DNAH11: variants seen among roughly 807,000 people sequenced by gnomAD.
DNAH11 encodes the protein dynein axonemal heavy chain 11, also known as axonemal beta dynein heavy chain 11.
Under a neutral mutation model 526.0 loss-of-function variants are expected in DNAH11, and 442 were observed. The ratio of observed to expected loss-of-function variants is 0.84; its 90% CI spans 0.78 to 0.91. The LOEUF is 0.91. Among genes scored for constraint, DNAH11 ranks in the 40% least tolerant of loss-of-function variants. The pLI, the probability that DNAH11 is intolerant of heterozygous loss-of-function variation, is 0.00. For synonymous variants in DNAH11, 2,461 were observed against 1,935.9 expected (o/e 1.27, Z -7.12); for missense variants, 6,989 against 5,448.7 (o/e 1.28, Z -8.90).
chr7:21,743,441 A>T (rs1211165053), intron 49 of DNAH11, among the ~76,000 whole-genome samples: 1 of 152,202 alleles, frequency 6.6e-6, no homozygotes, highest in Admixed American at 6.5e-5. Context: ...TTATTTTTTT[A>T]AATCCGACTA....
chr7:21,887,154 G>T (rs1399799427), intron 76 of DNAH11, among the ~76,000 whole-genome samples: 2 of 152,182 alleles, frequency 1.3e-5, no homozygotes, highest in Admixed American at 6.5e-5. Flanking sequence ...CCCATTCATG[G>T]TGTGGGGTTT....
In DNAH11 at chr7:21,667,126, G is replaced by A. The variant is rs138134985; in HGVS notation, c.5328+8095G>A. Among the ~76,000 whole-genome samples the A allele has an allele frequency of 2.6e-5, 4 of 152,220 alleles. No homozygotes were observed. In the East Asian group the frequency reaches 7.7e-4, roughly 29 times the overall value. ...ATAAAAAATGTGGAGTTTATGGTTAGTGATAAGGATTAAATCTAGAAGAAA... is the reference window on the plus strand; with the variant it reads ...ATAAAAAATGTGGAGTTTATGGTTAATGATAAGGATTAAATCTAGAAGAAA... On this transcript the variant is annotated intron_variant, in intron 30 of 81. Transcript: ENST00000409508.
intron 23 of DNAH11, 65 bp from the exon 24 acceptor site, chr7:21,619,035 C>T (rs1785913215): frequency 1.2e-6 from 2 of 1,601,380 alleles, no homozygotes; most frequent in Admixed American, 1.7e-5. Flanking sequence ...TTTCACCAGC[C>T]TTTAGGCAAA....
chr7:21,856,377 C>G (rs1782850172), intron 68 of DNAH11, among the ~76,000 whole-genome samples: 1 of 152,080 alleles, frequency 6.6e-6, no homozygotes, highest in Non-Finnish European at 1.5e-5. Flanking sequence ...TAGCAGGTTT[C>G]CTAACAGTAC....
Position 21,724,905 on chromosome 7 carries a change from T to C in DNAH11, c.7267-906T>C, listed in dbSNP as rs79100002. ...TCTCTGGGCCAGATTATCCTATGGA[T>C]ATAGGAGTCACTGGGCCAGATCATC... On this transcript the variant is annotated intron_variant, in intron 44 of 81. Coordinates refer to ENST00000409508, the MANE Select transcript of DNAH11 (RefSeq NM_001277115.2). Among the ~76,000 whole-genome samples the C allele has an allele frequency of 8.4e-5, 11 of 130,894 alleles. No individual in the cohort carries two copies. The East Asian group carries it at 1.1e-3, about 13-fold the overall frequency. The allele number at this position is 130,894 out of a possible 152,430, so 85.9% of individuals were successfully genotyped here. A position where few individuals can be genotyped will look rare whatever the true frequency, so the allele number is the denominator to read the frequency against.
Position 21,559,676 on chromosome 7 carries a change from G to T in DNAH11, c.766G>T (p.Glu256Ter). Residue 256 changes from glutamate (E) to a stop codon, truncating the protein, a stop_gained, in exon 4 of 82, where the codon GAA (glutamate) becomes TAA (stop). Coordinates refer to ENST00000409508, the MANE Select transcript of DNAH11 (RefSeq NM_001277115.2). LOFTEE classifies it high-confidence loss of function. ...TATTGAATGGTCACATCAAATCCAA[G>T]AAATTATAGAAAGAGATTCAGTGCA... ...VVIEWSHQIQ[E>*]IIERDSVQRL... 1 of 1,611,696 alleles carries T rather than the reference G, an allele frequency of 6.2e-7. No individual in the cohort carries two copies. Among genetic ancestry groups the T allele is most frequent in the Non-Finnish European group, 8.5e-7 (1 of 1,178,948 alleles).
At chr7:21,753,669 CTCTTT>C (rs557844894) in intron 54 of DNAH11, among the ~76,000 whole-genome samples, 48 of 152,250 alleles carry the variant, frequency 3.2e-4, no homozygotes, top group Non-Finnish European at 5.0e-4. Context: ...ATTCTCTGTT[CTCTTT>C]TCTTGTTAAC....
chr7:21,894,745 G>A lies in DNAH11; in HGVS notation c.12873G>A (p.Arg4291=), dbSNP rs998605207. ...TTGTTTGCTTCCAAGAATGTGAGAGGATGAATATTCTCATTCGGGAAATAC... is the reference window on the plus strand; with the variant it reads ...TTGTTTGCTTCCAAGAATGTGAGAGAATGAATATTCTCATTCGGGAAATAC... The part of the protein sequence containing the change: ...YVLVCFQECE[R]MNILIREIRI... The change falls in exon 78 of 82, where the codon AGG becomes AGA. Residue 4291 remains arginine, a synonymous_variant. Coordinates refer to ENST00000409508, the MANE Select transcript of DNAH11 (RefSeq NM_001277115.2). 1.2e-6 allele frequency: 2 copies of A among 1,612,678 alleles called. No homozygotes were observed. Among genetic ancestry groups the A allele is most frequent in the African/African-American group, 1.3e-5 (1 of 74,796 alleles).
At chr7:21,572,547 C>T (rs954066264) in intron 8 of DNAH11, among the ~76,000 whole-genome samples, 1 of 152,180 alleles carries the variant, frequency 6.6e-6, no homozygotes, top group African/African-American at 2.4e-5. Flanking sequence ...CCCTGCAGTT[C>T]TAGGATAAAA....
At chr7:21,622,308 T>G (rs373477364) in intron 25 of DNAH11, among the ~76,000 whole-genome samples, 4 of 152,078 alleles carry the variant, frequency 2.6e-5, no homozygotes, top group Admixed American at 6.5e-5. Context: ...CACTGCTCAA[T>G]GAAATAAAAG....
chr7:21,665,702 A>T (rs970604), intron 30 of DNAH11, among the ~76,000 whole-genome samples: 1 of 151,922 alleles, frequency 6.6e-6, no homozygotes, highest in African/African-American at 2.4e-5. Context: ...TGGATGAGAA[A>T]TAGAGAAAAG....
intron 6 of DNAH11, among the ~76,000 whole-genome samples, chr7:21,567,968 T>C (rs770470535): frequency 6.6e-6 from 1 of 152,160 alleles, no homozygotes; most frequent in Non-Finnish European, 1.5e-5. Flanking sequence ...ATTCCATGGC[T>C]TGGTGTATCT....
At chr7:21,847,274 T>C (rs1782454860) in intron 66 of DNAH11, among the ~76,000 whole-genome samples, 1 of 152,344 alleles carries the variant, frequency 6.6e-6, no homozygotes, top group Non-Finnish European at 1.5e-5. Context: ...AAAGCTTAGA[T>C]AAATACCTTT....
intron 30 of DNAH11, 77 bp from the exon 31 acceptor site, chr7:21,681,469 C>A: frequency 1.4e-6 from 2 of 1,447,596 alleles, no homozygotes; most frequent in South Asian, 1.3e-5. Context: ...TCAGCCTTTA[C>A]AAATACGAAG....
At chr7:21,810,144 G>A (rs1192976179) in intron 63 of DNAH11, among the ~76,000 whole-genome samples, 1 of 152,144 alleles carries the variant, frequency 6.6e-6, no homozygotes, top group Non-Finnish European at 1.5e-5. Context: ...GTATAAAGTA[G>A]CTTACCCTAA....
Position 21,738,624 on chromosome 7 carries a change from T to C in DNAH11, c.7646-77T>C, listed in dbSNP as rs1007092043. 1.7e-5 allele frequency: 24 copies of C among 1,423,176 alleles called. No individual in the cohort carries two copies. The African/African-American group carries it at 2.5e-4, about 15-fold the overall frequency. 88.2% of individuals were successfully genotyped at this position (1,423,176 alleles called of 1,614,324 possible). On this transcript the variant is annotated intron_variant, in intron 46 of 81. Coordinates refer to ENST00000409508, the MANE Select transcript of DNAH11 (RefSeq NM_001277115.2). ...GGGTGGATGAAATCGACAGAAGAAG[T>C]TAAGAACAAGAGAAAAATGACTAAA...
intron 12 of DNAH11, 53 bp downstream of exon 12, chr7:21,589,456 C>G: frequency 7.1e-7 from 1 of 1,401,640 alleles, no homozygotes; most frequent in Non-Finnish European, 9.8e-7. Context: ...TATTATAAGC[C>G]TATTTCTGAT....
chr7:21,721,689 T>A (rs752669290), intron 44 of DNAH11, among the ~76,000 whole-genome samples: 2 of 152,124 alleles, frequency 1.3e-5, no homozygotes, highest in Non-Finnish European at 2.9e-5. Context: ...ATCATCTAAA[T>A]CTAATTATGT....
intron 42 of DNAH11, 82 bp from the exon 43 acceptor site, chr7:21,717,693 C>A: frequency 6.5e-7 from 1 of 1,545,408 alleles, no homozygotes; most frequent in South Asian, 1.2e-5. Context: ...CAAGCTGTGT[C>A]AAAGGAGGAA....
Sources: gnomAD v4.1 joint callset for allele counts (sites outside exome capture counted in the v4.1 genomes callset) on GRCh38, gnomAD v4.1.1 for gene constraint, MANE v1.5 for transcripts, NCBI Gene and HGNC (gene_info 2026-07-23, HGNC 2026-07-21) for gene names.